RCHY1: variants seen among roughly 807,000 people sequenced by gnomAD.
The protein encoded by RCHY1 is RING finger and CHY zinc finger domain-containing protein 1.
Under a neutral mutation model 41.6 loss-of-function variants are expected in RCHY1, and 21 were observed. That is an observed-to-expected ratio of 0.51 (90% CI 0.36 to 0.73). RCHY1 has a LOEUF of 0.73. RCHY1 is among the 30% of genes least tolerant of loss of function. The pLI is 0.00. For missense variants in RCHY1, 265 were observed against 325.3 expected, an observed-to-expected ratio of 0.81 and a Z score of 1.43; for synonymous variants, 79 against 102.9, an observed-to-expected ratio of 0.77 and a Z score of 1.41.
chr4:75,502,496 C>T lies in RCHY1; in HGVS notation c.326+6324G>A, dbSNP rs918957829. Among the ~76,000 whole-genome samples the T allele has an allele frequency of 5.3e-5, 8 of 151,976 alleles. No individual in the cohort carries two copies. In the East Asian group the frequency reaches 9.7e-4, roughly 18 times the overall value. ...CAGAGCTTGCAGTGAGCCAAGATCG[C>T]GCCACTGCACTCCAGCCTGGGCGCC... is the stretch of plus-strand genomic sequence containing the variant. On this transcript the variant is annotated intron_variant, in intron 3 of 8. Transcript: ENST00000324439.
chr4:75,507,138 C>T (rs1030269601), intron 3 of RCHY1, among the ~76,000 whole-genome samples: 1 of 151,858 alleles, frequency 6.6e-6, no homozygotes, highest in Non-Finnish European at 1.5e-5. Context: ...ACACTAAAGA[C>T]AATTCTTTAA....
intron 3 of RCHY1, among the ~76,000 whole-genome samples, chr4:75,496,595 T>C (rs563874083): frequency 6.6e-6 from 1 of 152,236 alleles, no homozygotes; most frequent in South Asian, 2.1e-4. Flanking sequence ...GGGAAACTCA[T>C]AATTCGCAGG....
chr4:75,503,703 A>T (rs1454927630), intron 3 of RCHY1, among the ~76,000 whole-genome samples: 1 of 151,944 alleles, frequency 6.6e-6, no homozygotes, highest in Non-Finnish European at 1.5e-5. Context: ...AAAAAAAATT[A>T]ATTAAAAAAA....
At chr4:75,487,786 TATATATATTCATATATATATTCATA>T (rs1560513469) in intron 8 of RCHY1, among the ~76,000 whole-genome samples, 448 of 40,182 alleles carry the variant, frequency 0.011, 28 homozygotes, top group African/African-American at 0.064. Context: ...ATATTCATAA[TATATATATTCATATATATATTCATA>T]ATATATATTC....
chr4:75,490,435 CA>C, intron 8 of RCHY1, 145 bp downstream of exon 8: 1 of 520,344 alleles, frequency 1.9e-6, no homozygotes, highest in South Asian at 5.0e-5. Flanking sequence ...ATTTAAAAAT[CA>C]TTTTGTGCTT....
chr4:75,486,977 T>TA (rs1294121601), intron 8 of RCHY1, among the ~76,000 whole-genome samples: 2 of 150,316 alleles, frequency 1.3e-5, no homozygotes, highest in African/African-American at 2.4e-5. Flanking sequence ...AGACTCCGTC[T>TA]AAAAAAAAAA....
chr4:75,487,335 G>T (rs1224101305), intron 8 of RCHY1, among the ~76,000 whole-genome samples: 1 of 150,630 alleles, frequency 6.6e-6, no homozygotes. Flanking sequence ...TTTGTCTCAC[G>T]CTGTCTCAGG....
At chr4:75,511,897 G>C (rs1203638406) in intron 1 of RCHY1, among the ~76,000 whole-genome samples, 1 of 151,624 alleles carries the variant, frequency 6.6e-6, no homozygotes, top group Non-Finnish European at 1.5e-5. Context: ...GGAATCCCCA[G>C]GGTTCCATTC....
chr4:75,492,826 T>C (rs1560517963), intron 4 of RCHY1, among the ~76,000 whole-genome samples: 2 of 152,024 alleles, frequency 1.3e-5, no homozygotes, highest in Admixed American at 6.6e-5. Flanking sequence ...ATCCTAGCTC[T>C]GCTATTTACC....
At chr4:75,497,884 A>G (rs1723366691) in intron 3 of RCHY1, among the ~76,000 whole-genome samples, 1 of 151,940 alleles carries the variant, frequency 6.6e-6, no homozygotes, top group Admixed American at 6.6e-5. Context: ...AAGAAAAAAA[A>G]TCTTAAAAGC....
intron 3 of RCHY1, among the ~76,000 whole-genome samples, chr4:75,500,519 A>AT (rs1723650551): frequency 6.6e-6 from 1 of 152,346 alleles, no homozygotes; most frequent in East Asian, 1.9e-4. Flanking sequence ...AAGATTATCT[A>AT]TAACTATAAT....
At chr4:75,491,264 A>G (rs905124314) in intron 7 of RCHY1, 8 of 193,736 alleles carry the variant, frequency 4.1e-5, no homozygotes, top group South Asian at 1.5e-4. Context: ...TACTTGGCCA[A>G]TATAACAACC....
At chr4:75,490,806 G>T in intron 7 of RCHY1, 105 bp from the exon 8 acceptor site, 1 of 765,880 alleles carries the variant, frequency 1.3e-6, no homozygotes, top group Non-Finnish European at 2.0e-6. Context: ...TTCAAAACAG[G>T]CATTTTCCTC....
In RCHY1 at chr4:75,487,517, TATATATTCATA is replaced by T. The variant is rs1486409987; in HGVS notation, c.657+3053_657+3063del. Among the ~76,000 whole-genome samples the T allele has an allele frequency of 1.8e-3, 216 of 120,350 alleles. 1 individual carries two copies. Among genetic ancestry groups the T allele is most frequent in the Non-Finnish European group, 2.2e-3 (129 of 58,414 alleles). The allele number at this position is 120,350 out of a possible 152,430, so 79.0% of individuals were successfully genotyped here. A position where few individuals can be genotyped will look rare whatever the true frequency, so the allele number is the denominator to read the frequency against. On this transcript the variant is annotated intron_variant, in intron 8 of 8. Coordinates refer to ENST00000324439, the MANE Select transcript of RCHY1 (RefSeq NM_015436.4). ...ATTCATAATATATATATTCATAATATATATATTCATAATATATTCATAATATATATATTCAT... is the reference window on the plus strand; with the variant it reads ...ATTCATAATATATATATTCATAATATATATATTCATAATATATATATTCAT...
intron 8 of RCHY1, among the ~76,000 whole-genome samples, chr4:75,483,926 C>T (rs143522936): frequency 8.9e-4 from 136 of 152,164 alleles, no homozygotes; most frequent in African/African-American, 3.2e-3. Flanking sequence ...GAAGAGACAG[C>T]AACACATCTT....
chr4:75,487,518 A>G (rs1249157154), intron 8 of RCHY1, among the ~76,000 whole-genome samples: 1 of 120,066 alleles, frequency 8.3e-6, no homozygotes, highest in African/African-American at 3.1e-5. Flanking sequence ...TTCATAATAT[A>G]TATATTCATA....
chr4:75,489,611 G>A (rs968384665), intron 8 of RCHY1, among the ~76,000 whole-genome samples: 4 of 152,168 alleles, frequency 2.6e-5, no homozygotes, highest in South Asian at 2.1e-4. Context: ...GACCCCTTAC[G>A]AAATAATCAC....
intron 8 of RCHY1, among the ~76,000 whole-genome samples, chr4:75,484,239 C>T (rs1721795152): frequency 6.6e-6 from 1 of 152,160 alleles, no homozygotes; most frequent in Non-Finnish European, 1.5e-5. Context: ...GTGTCCACTG[C>T]TCTCTTGCAG....
intron 3 of RCHY1, among the ~76,000 whole-genome samples, chr4:75,503,386 T>C (rs1723975856): frequency 6.6e-6 from 1 of 152,152 alleles, no homozygotes; most frequent in South Asian, 2.1e-4. Flanking sequence ...ATGAACAATA[T>C]ATTTCTAAGG....
Sources: allele counts gnomAD v4.1 joint callset (sites outside exome capture counted in the v4.1 genomes callset), GRCh38; gene constraint gnomAD v4.1.1; transcripts MANE v1.5; gene names NCBI Gene and HGNC (gene_info 2026-07-23, HGNC 2026-07-21).